The following DCTD variants were observed in gnomAD, a reference collection of about 807,000 sequenced individuals.
DCTD encodes dCMP deaminase.
DCTD carries 23 observed loss-of-function variants against 21.0 expected under a neutral mutation model. That is an observed-to-expected ratio of 1.09 (90% CI 0.79 to 1.55). The LOEUF (loss-of-function observed/expected upper bound fraction) is 1.55. Ranked by LOEUF, DCTD falls within the 40% of genes most tolerant of loss-of-function variation. The pLI is 0.00. For missense variants in DCTD, 224 were observed against 230.0 expected (o/e 0.97, Z 0.17); for synonymous variants, 71 against 81.1 (o/e 0.88, Z 0.67).
intron 3 of DCTD, among the ~76,000 whole-genome samples, chr4:182,898,113 T>C (rs1735071442): frequency 6.6e-6 from 1 of 152,210 alleles, no homozygotes; most frequent in African/African-American, 2.4e-5. Context: ...TGGGGATTCA[T>C]TTACTTGTGT....
intron 3 of DCTD, among the ~76,000 whole-genome samples, chr4:182,910,111 G>T (rs1040794105): frequency 6.6e-6 from 1 of 152,068 alleles, no homozygotes; most frequent in Admixed American, 6.5e-5. Context: ...GAGATGCTAC[G>T]GTTCCCTCCC....
Position 182,891,251 on chromosome 4 carries a change from A to G in DCTD, c.*148T>C. On this transcript the variant is annotated 3_prime_UTR_variant, in exon 6 of 6. Transcript: ENST00000438320. ...GATTCCATGTGACAAGAGAGACAGT[A>G]AGGAAGATTTGAGGCTTTATATTCT... 1.5e-6 allele frequency: 1 copy of G among 661,982 alleles called. No homozygotes were observed. The highest frequency in any genetic ancestry group is 2.7e-6 in the Non-Finnish European group (1 of 368,780). The allele number at this position is 661,982 out of a possible 1,614,324, so 41.0% of individuals were successfully genotyped here. A position where few individuals can be genotyped will look rare whatever the true frequency, so the allele number is the denominator to read the frequency against.
intron 1 of DCTD, chr4:182,916,874 A>G: frequency 9.8e-7 from 1 of 1,015,530 alleles, no homozygotes. Context: ...AAACAGAGAG[A>G]ACTGGAGCTC....
intron 3 of DCTD, among the ~76,000 whole-genome samples, chr4:182,903,625 T>A (rs554935863): frequency 6.6e-6 from 1 of 152,086 alleles, no homozygotes; most frequent in East Asian, 1.9e-4. Context: ...GGTGGGTCAC[T>A]CACGTAAAAG....
Position 182,917,329 on chromosome 4 carries a change from C to T in DCTD, c.-26G>A, listed in dbSNP as rs1162084098. 2 of 1,094,438 alleles carry T rather than the reference C, an allele frequency of 1.8e-6. No homozygotes were observed. The highest frequency in any genetic ancestry group is 5.5e-5 in the East Asian group (1 of 18,056). The allele number at this position is 1,094,438 out of a possible 1,614,324, so 67.8% of individuals were successfully genotyped here. A position where few individuals can be genotyped will look rare whatever the true frequency, so the allele number is the denominator to read the frequency against. On this transcript the variant is annotated 5_prime_UTR_variant, in exon 1 of 6. Coordinates refer to ENST00000438320, the MANE Select transcript of DCTD (RefSeq NM_001921.3). The surrounding 1 kb of genome is among the most constrained non-coding windows in gnomAD (Gnocchi z 4.9). ...CGCCCACCATCCGGTGCCGGCTCCG[C>T]GCGCAGGCCGGTGCTCGTCCCCGCC...
chr4:182,892,017 AT>A (rs1733857623), intron 5 of DCTD, among the ~76,000 whole-genome samples: 1 of 151,304 alleles, frequency 6.6e-6, no homozygotes, highest in African/African-American at 2.4e-5. Context: ...TTCTACAACA[AT>A]TAAAAAGAAG....
At chr4:182,893,715 G>A (rs1049739759) in intron 4 of DCTD, among the ~76,000 whole-genome samples, 1 of 152,234 alleles carries the variant, frequency 6.6e-6, no homozygotes, top group Admixed American at 6.5e-5. Flanking sequence ...TCGGCCCACA[G>A]GCCTGCCACC....
At position 182,890,642 on chromosome 4, in the gene DCTD, AG is replaced by A. The variant is rs1297637423; in HGVS notation, c.*756del. Reference sequence around the variant, plus strand: ...CAAGGAGAGACAGGCTGTCTCCTCTAGGAACAACTCATTATTCAGCTAAACG... The same window carrying A: ...CAAGGAGAGACAGGCTGTCTCCTCTAGAACAACTCATTATTCAGCTAAACG... On this transcript the variant is annotated 3_prime_UTR_variant, in exon 6 of 6. Coordinates refer to ENST00000438320, the MANE Select transcript of DCTD (RefSeq NM_001921.3). 5.2e-5 allele frequency: 8 copies of A among 152,398 alleles called. No homozygotes were observed. Among genetic ancestry groups the A allele is most frequent in the Non-Finnish European group, 1.0e-4 (7 of 68,068 alleles). The allele number at this position is 152,398 out of a possible 1,614,324, so 9.4% of individuals were successfully genotyped here.
chr4:182,908,396 AAGTGGCCGGGCAC>A (rs2152861794), intron 3 of DCTD, among the ~76,000 whole-genome samples: 1 of 152,250 alleles, frequency 6.6e-6, no homozygotes, highest in South Asian at 2.1e-4. Flanking sequence ...AGAAATAAAG[AAGTGGCCGGGCAC>A]AGTGACTCAA....
At chr4:182,892,461 G>A (rs1409311470) in intron 5 of DCTD, among the ~76,000 whole-genome samples, 1 of 151,912 alleles carries the variant, frequency 6.6e-6, no homozygotes, top group East Asian at 1.9e-4. Context: ...AGGTCATCCT[G>A]GCCAACATGG....
chr4:182,916,673 C>T, intron 1 of DCTD: 1 of 1,008,904 alleles, frequency 9.9e-7, no homozygotes, highest in Admixed American at 5.9e-5. Flanking sequence ...GGTTTCCCAC[C>T]TGGCTTTAGG....
intron 3 of DCTD, among the ~76,000 whole-genome samples, chr4:182,900,260 G>C (rs1159240342): frequency 1.3e-5 from 2 of 152,034 alleles, no homozygotes; most frequent in African/African-American, 4.8e-5. Context: ...AGGCTGCAGT[G>C]AGCTGTGTTT....
At chr4:182,903,916 A>T (rs548014572) in intron 3 of DCTD, among the ~76,000 whole-genome samples, 6 of 152,180 alleles carry the variant, frequency 3.9e-5, no homozygotes, top group Non-Finnish European at 8.8e-5. Context: ...GAACGGTTAG[A>T]AAGACTAACA....
In DCTD at chr4:182,914,927, C is replaced by T. The variant is rs371179209; in HGVS notation, c.240G>A (p.Pro80=). The change falls in exon 3 of 6, where the codon CCG becomes CCA. Residue 80 remains proline (P), a synonymous_variant. Transcript: ENST00000438320. ...TAENKLDTKY[P]YVCHAELNAI... Reference sequence around the variant, plus strand: ...GGGACATAAAACTTGCCCTACCGTACGGGTATTTGGTGTCCAGCTTATTCT... The same window carrying T: ...GGGACATAAAACTTGCCCTACCGTATGGGTATTTGGTGTCCAGCTTATTCT... 39 of 1,614,074 alleles carry T rather than the reference C, an allele frequency of 2.4e-5. No homozygotes were observed. The highest frequency in any genetic ancestry group is 1.6e-4 in the Middle Eastern group (1 of 6,084).
At chr4:182,907,285 A>C (rs1403754507) in intron 3 of DCTD, among the ~76,000 whole-genome samples, 2 of 152,176 alleles carry the variant, frequency 1.3e-5, no homozygotes, top group Middle Eastern at 3.4e-3. Flanking sequence ...CTACAGCTGC[A>C]CGCCACAACA....
At chr4:182,902,991 G>A (rs900378692) in intron 3 of DCTD, among the ~76,000 whole-genome samples, 6 of 152,288 alleles carry the variant, frequency 3.9e-5, no homozygotes, top group African/African-American at 1.2e-4. Flanking sequence ...TCAGGACAAA[G>A]GGATTTAAAT....
At chr4:182,902,819 C>A (rs958175526) in intron 3 of DCTD, among the ~76,000 whole-genome samples, 1 of 152,114 alleles carries the variant, frequency 6.6e-6, no homozygotes, top group Non-Finnish European at 1.5e-5. Flanking sequence ...AAATCAGCAG[C>A]GGCCCGAGTG....
intron 3 of DCTD, among the ~76,000 whole-genome samples, chr4:182,901,632 G>C (rs1735760293): frequency 6.6e-6 from 1 of 152,276 alleles, no homozygotes; most frequent in African/African-American, 2.4e-5. Context: ...CAAGGGTCAG[G>C]ACTCGAGCTA....
intron 3 of DCTD, among the ~76,000 whole-genome samples, chr4:182,899,165 G>A (rs560255371): frequency 7.2e-5 from 11 of 152,290 alleles, no homozygotes; most frequent in Non-Finnish European, 1.6e-4. Flanking sequence ...ACAGGCCACA[G>A]GAGGGTCTCG....
Sources: allele counts gnomAD v4.1 joint callset (sites outside exome capture counted in the v4.1 genomes callset), GRCh38; gene constraint gnomAD v4.1.1; non-coding constraint Gnocchi (gnomAD v3.1); transcripts MANE v1.5; gene names NCBI Gene and HGNC (gene_info 2026-07-23, HGNC 2026-07-21).